MED10: variants seen among roughly 807,000 people sequenced by gnomAD.
The protein encoded by MED10 is mediator of RNA polymerase II transcription subunit 10.
A neutral mutation model predicts 17.2 loss-of-function variants in MED10; 9 were observed. The ratio of observed to expected loss-of-function variants is 0.52; its 90% CI spans 0.31 to 0.91. The LOEUF is 0.91. Among genes scored for constraint, MED10 ranks in the 40% least tolerant of loss-of-function variants. MED10 has a pLI of 0.04. For synonymous variants in MED10, 66 were observed against 59.8 expected (o/e 1.10, Z -0.48); for missense variants, 129 against 164.8 (o/e 0.78, Z 1.19).
Position 6,377,188 on chromosome 5 carries a change from T to C in MED10, c.184A>G (p.Thr62Ala), listed in dbSNP as rs1738012599. The C allele has an allele frequency of 1.2e-6, 2 of 1,609,444 alleles. No homozygotes were observed. The highest frequency in any genetic ancestry group is 1.7e-6 in the Non-Finnish European group (2 of 1,177,482). ...DKCRQQLHDI[T>A]VPLEVFEYID... ...TACTCAAAAACTTCTAACGGTACAGTAATATCATGAAGCTGCTGTCTGCAC... is the reference window on the plus strand; with the variant it reads ...TACTCAAAAACTTCTAACGGTACAGCAATATCATGAAGCTGCTGTCTGCAC... The change falls in exon 2 of 4, where the codon ACT becomes GCT. Residue 62 changes from threonine (T) to alanine (A), a missense_variant. Transcript: ENST00000255764.
Position 6,378,474 on chromosome 5 carries a change from TCTC to T in MED10, c.7_9del (p.Glu3del). ...AGGTGCTCCTCTAGGTGGTCAAACT[TCTC>T]CGCCATCGCCTCGGCCCGTCCCCGA... On this transcript the variant is annotated inframe_deletion, in exon 1 of 4. Transcript: ENST00000255764. 2 of 1,611,082 alleles carry T rather than the reference TCTC, an allele frequency of 1.2e-6. No individual in the cohort carries two copies. The highest frequency in any genetic ancestry group is 1.1e-5 in the South Asian group (1 of 90,682).
chr5:6,377,288 C>A, intron 1 of MED10, 39 bp from the exon 2 acceptor site: 1 of 1,506,446 alleles, frequency 6.6e-7, no homozygotes, highest in Non-Finnish European at 9.2e-7. Flanking sequence ...TGGTTAATTT[C>A]GCTTGACAGC....
In MED10 at chr5:6,377,225, C is replaced by T; in HGVS notation, c.147G>A (p.Gln49=). ...QKLNFIVTGL[Q]DIDKCRQQLH... is the part of the protein sequence containing the mutation. ...GCTGCTGTCTGCACTTGTCAATATC[C>T]TGTAAGCCAGTAACAATAAAATTCC... The change falls in exon 2 of 4, where the codon CAG becomes CAA. Residue 49 remains glutamine (Q), a synonymous_variant. Coordinates refer to ENST00000255764, the MANE Select transcript of MED10 (RefSeq NM_032286.3). The T allele has an allele frequency of 1.2e-6, 2 of 1,609,782 alleles. No homozygotes were observed. Among genetic ancestry groups the T allele is most frequent in the Non-Finnish European group, 1.7e-6 (2 of 1,178,116 alleles).
At chr5:6,375,404 T>C (rs1737971084) in intron 2 of MED10, among the ~76,000 whole-genome samples, 1 of 152,214 alleles carries the variant, frequency 6.6e-6, no homozygotes, top group Admixed American at 6.5e-5. Flanking sequence ...GTATAAAAAG[T>C]AGCCTTGATA....
intron 3 of MED10, among the ~76,000 whole-genome samples, chr5:6,373,714 G>A (rs1236880787): frequency 7.2e-5 from 11 of 152,194 alleles, no homozygotes; most frequent in African/African-American, 2.2e-4. Context: ...GGCAACAGTC[G>A]CATGGCGCCA....
chr5:6,377,114 C>A, intron 2 of MED10, 52 bp downstream of exon 2: 1 of 1,303,630 alleles, frequency 7.7e-7, no homozygotes, highest in Non-Finnish European at 1.1e-6. Flanking sequence ...CGATACCACA[C>A]CATAACTGAA....
At chr5:6,375,529 C>T (rs893601753) in intron 2 of MED10, among the ~76,000 whole-genome samples, 1 of 152,172 alleles carries the variant, frequency 6.6e-6, no homozygotes, top group Non-Finnish European at 1.5e-5. Flanking sequence ...CTATCCATTT[C>T]TCAAGAAAAA....
In MED10 at chr5:6,372,242, G is replaced by A. The variant is rs559106862; in HGVS notation, c.*261C>T. 9.5e-6 allele frequency: 4 copies of A among 422,462 alleles called. No homozygotes were observed. Among genetic ancestry groups the A allele is most frequent in the African/African-American group, 2.0e-5 (1 of 50,000 alleles). The allele number at this position is 422,462 out of a possible 1,614,324, so 26.2% of individuals were successfully genotyped here. Reference sequence around the variant, plus strand: ...TTCCTGCGCCTCATCTGCCCTCAGAGAGAATGATCCCCACAGTGATGAGGG... The same window carrying A: ...TTCCTGCGCCTCATCTGCCCTCAGAAAGAATGATCCCCACAGTGATGAGGG... On this transcript the variant is annotated 3_prime_UTR_variant, in exon 4 of 4. Transcript: ENST00000255764.
Position 6,378,490 on chromosome 5 carries a change from G to A in MED10, c.-7C>T, listed in dbSNP as rs768284839. Reference sequence around the variant, plus strand: ...GGTCAAACTTCTCCGCCATCGCCTCGGCCCGTCCCCGACCCACACAGCCTC... The same window carrying A: ...GGTCAAACTTCTCCGCCATCGCCTCAGCCCGTCCCCGACCCACACAGCCTC... On this transcript the variant is annotated 5_prime_UTR_variant, in exon 1 of 4. Coordinates refer to ENST00000255764, the MANE Select transcript of MED10 (RefSeq NM_032286.3). The A allele has an allele frequency of 1.2e-5, 19 of 1,610,040 alleles. No individual in the cohort carries two copies. In the Admixed American group the frequency reaches 3.0e-4, roughly 26 times the overall value.
intron 2 of MED10, among the ~76,000 whole-genome samples, chr5:6,375,832 A>G (rs1737976913): frequency 6.6e-6 from 1 of 152,194 alleles, no homozygotes; most frequent in Non-Finnish European, 1.5e-5. Context: ...GCTCTGTATT[A>G]GGGCTCACTG....
intron 1 of MED10, 148 bp downstream of exon 1, chr5:6,378,214 C>G (rs1738040191): frequency 8.5e-7 from 1 of 1,182,602 alleles, no homozygotes; most frequent in Non-Finnish European, 1.1e-6. Context: ...CCAGGAAAGG[C>G]GCCCCGGGCT....
At position 6,378,500 on chromosome 5, in the gene MED10, CG is replaced by C. The variant is rs764668946; in HGVS notation, c.-18del. On this transcript the variant is annotated 5_prime_UTR_variant, in exon 1 of 4. Coordinates refer to ENST00000255764, the MANE Select transcript of MED10 (RefSeq NM_032286.3). ...CTCCGCCATCGCCTCGGCCCGTCCC[CG>C]ACCCACACAGCCTCAACCAGCAGCG... 29 of 1,608,880 alleles carry C rather than the reference CG, an allele frequency of 1.8e-5. No homozygotes were observed. In the East Asian group the frequency reaches 5.4e-4, roughly 30 times the overall value.
rs1406504800 is a variant in MED10, at chr5:6,377,176, C to T, written c.196G>A (p.Glu66Lys). The T allele has an allele frequency of 1.9e-6, 3 of 1,606,096 alleles. No individual in the cohort carries two copies. The highest frequency in any genetic ancestry group is 2.2e-5 in the East Asian group (1 of 44,676). Residue 66 changes from glutamate (E) to lysine (K), a missense_variant, in exon 2 of 4, where the codon GAA becomes AAA. Coordinates refer to ENST00000255764, the MANE Select transcript of MED10 (RefSeq NM_032286.3). ...AAGAATGTTACTTACTCAAAAACTT[C>T]TAACGGTACAGTAATATCATGAAGC... ...QQLHDITVPLEVFEYIDQGRN... is the reference protein window; with the variant it reads ...QQLHDITVPLKVFEYIDQGRN...
At chr5:6,376,869 G>A (rs1210620212) in intron 2 of MED10, 1 of 205,136 alleles carries the variant, frequency 4.9e-6, no homozygotes, top group African/African-American at 2.3e-5. Flanking sequence ...GGGCTTTGAG[G>A]ACCTATGATG....
chr5:6,376,584 T>C (rs553972459), intron 2 of MED10, among the ~76,000 whole-genome samples: 20 of 152,342 alleles, frequency 1.3e-4, no homozygotes, highest in African/African-American at 4.6e-4. Flanking sequence ...CTCAGGACTA[T>C]TACTAACATA....
intron 1 of MED10, among the ~76,000 whole-genome samples, chr5:6,377,697 C>T (rs1738027800): frequency 6.6e-6 from 1 of 152,212 alleles, no homozygotes; most frequent in Non-Finnish European, 1.5e-5. Context: ...GCTATTCCCA[C>T]AGCACTAGGT....
At chr5:6,377,116 A>T in intron 2 of MED10, 50 bp downstream of exon 2, 1 of 1,327,302 alleles carries the variant, frequency 7.5e-7, no homozygotes, top group South Asian at 1.3e-5. Flanking sequence ...ATACCACACC[A>T]TAACTGAACA....
rs575472051 is a variant in MED10 at position 6,377,341 on chromosome 5, C to A, written c.123-92G>T. ...AGCTACCCAGCCAACCGGGGCTCCA[C>A]GCAAGTTCGTTCTCCTCACAGCTAT... On this transcript the variant is annotated intron_variant, in intron 1 of 3. Transcript: ENST00000255764. 5.1e-5 allele frequency: 43 copies of A among 844,346 alleles called. No individual in the cohort carries two copies. The South Asian group carries it at 5.9e-4, about 12-fold the overall frequency. The allele number at this position is 844,346 out of a possible 1,614,324, so 52.3% of individuals were successfully genotyped here.
intron 3 of MED10, among the ~76,000 whole-genome samples, chr5:6,372,962 G>C (rs1737917105): frequency 6.6e-6 from 1 of 152,198 alleles, no homozygotes; most frequent in African/African-American, 2.4e-5. Flanking sequence ...GCTTTATCAA[G>C]CGAAACGGAA....
Sources: gnomAD v4.1 joint callset for allele counts (sites outside exome capture counted in the v4.1 genomes callset) on GRCh38, gnomAD v4.1.1 for gene constraint, MANE v1.5 for transcripts, NCBI Gene and HGNC (gene_info 2026-07-23, HGNC 2026-07-21) for gene names.